The following IL6ST variants were observed in gnomAD, a reference collection of about 807,000 sequenced individuals.
The protein encoded by IL6ST is interleukin-6 receptor subunit beta.
In IL6ST, 24 loss-of-function variants were observed where a neutral mutation model predicts 91.3. The ratio of observed to expected loss-of-function variants is 0.26; its 90% CI spans 0.19 to 0.37. The LOEUF (loss-of-function observed/expected upper bound fraction) is 0.37, where lower values mean the gene tolerates loss of function less well. Ranked by LOEUF, IL6ST falls within the 10% of genes least tolerant of loss-of-function variation. The pLI, the probability that IL6ST is intolerant of heterozygous loss-of-function variation, is 1.00. For missense variants in IL6ST, 914 were observed against 1,078.5 expected (o/e 0.85, Z 2.14); for synonymous variants, 351 against 373.6 (o/e 0.94, Z 0.70).
At position 55,956,217 on chromosome 5, in the gene IL6ST, C is replaced by G. The variant is rs1407702026; in HGVS notation, c.1075G>C (p.Ala359Pro). 1 of 1,598,944 alleles carries G rather than the reference C, an allele frequency of 6.3e-7. No homozygotes were observed. Among genetic ancestry groups the G allele is most frequent in the Non-Finnish European group, 8.6e-7 (1 of 1,166,678 alleles). The change falls in exon 10 of 17, where the codon GCC (alanine) becomes CCC (proline). Residue 359 changes from alanine (A) to proline (P), a missense_variant. Physicochemically the swap from Ala to Pro is conservative, Grantham distance 27 (BLOSUM62 -1). Transcript: ENST00000381298. The part of the protein sequence containing the change: ...LVWKTLPPFE[A>P]NGKILDYEVT... ...TCATAATCCAAGATTTTTCCATTGGCTTCAAAAGGAGGCAATGTCTGTAAT... is the reference window on the plus strand; with the variant it reads ...TCATAATCCAAGATTTTTCCATTGGGTTCAAAAGGAGGCAATGTCTGTAAT...
chr5:55,951,434 G>T, intron 14 of IL6ST, 30 bp downstream of exon 14: 1 of 1,572,894 alleles, frequency 6.4e-7, no homozygotes. Context: ...GTTTGAGAAA[G>T]AAAAAAAACC....
intron 15 of IL6ST, among the ~76,000 whole-genome samples, chr5:55,946,159 C>T (rs899233824): frequency 1.3e-5 from 2 of 152,042 alleles, no homozygotes; most frequent in African/African-American, 4.8e-5. Flanking sequence ...TACTAGTCAT[C>T]GGAGAAATGA....
In IL6ST at chr5:55,963,842, A is replaced by G. The variant is rs188951323; in HGVS notation, c.658+304T>C. On this transcript the variant is annotated intron_variant, in intron 6 of 16. Coordinates refer to ENST00000381298, the MANE Select transcript of IL6ST (RefSeq NM_002184.4). ...GGTGTAAGATGTTTGAGAACAGAAAACATTCAAAGTGAAAACAGCTGTTAA... is the reference window on the plus strand; with the variant it reads ...GGTGTAAGATGTTTGAGAACAGAAAGCATTCAAAGTGAAAACAGCTGTTAA... 4.1e-4 allele frequency among the ~76,000 whole-genome samples: 63 copies of G among 152,322 alleles called. No homozygotes were observed. The East Asian group carries it at 7.5e-3, about 18-fold the overall frequency.
chr5:55,975,195 T>C (rs537707631), intron 3 of IL6ST, among the ~76,000 whole-genome samples: 1 of 152,126 alleles, frequency 6.6e-6, no homozygotes, highest in Non-Finnish European at 1.5e-5. Flanking sequence ...GTGTTGGAGG[T>C]GGGGCCTGGT....
intron 7 of IL6ST, among the ~76,000 whole-genome samples, chr5:55,961,251 G>A (rs1752296520): frequency 6.6e-6 from 1 of 152,104 alleles, no homozygotes; most frequent in Admixed American, 6.6e-5. Context: ...ATTTCTGCAG[G>A]AAACAGATGG....
rs1343923085 is a variant in IL6ST, at chr5:55,941,325, T to A, written c.2514A>T (p.Ser838=). 6.2e-7 allele frequency: 1 copy of A among 1,614,122 alleles called. No homozygotes were observed. Among genetic ancestry groups the A allele is most frequent in the East Asian group, 2.2e-5 (1 of 44,890 alleles). Residue 838 remains serine (S), a synonymous_variant, in exon 17 of 17, where the codon TCA becomes TCT. Coordinates refer to ENST00000381298, the MANE Select transcript of IL6ST (RefSeq NM_002184.4). ...TAACAAAATCTTCCTCATTGACTGA[T>A]GAAACTTGCTTTGACCTTTCAAAAT... ...ISHFERSKQV[S]SVNEEDFVRL...
In IL6ST at chr5:55,947,521, C is replaced by T. The variant is rs1399349153; in HGVS notation, c.1909G>A (p.Val637Met). Residue 637 changes from valine to methionine, a missense_variant, in exon 15 of 17, where the codon GTG becomes ATG. Coordinates refer to ENST00000381298, the MANE Select transcript of IL6ST (RefSeq NM_002184.4). ...LAFLLTTLLG[V>M]LFCFNKRDLI... ...TCTCGCTTATTAAAGCAGAACAGCA[C>T]TCCCAGAAGAGTTGTCAATAGGAAT... is the stretch of plus-strand genomic sequence containing the variant. The T allele has an allele frequency of 1.9e-6, 3 of 1,589,164 alleles. No homozygotes were observed. Among genetic ancestry groups the T allele is most frequent in the Non-Finnish European group, 2.6e-6 (3 of 1,168,674 alleles).
At chr5:55,942,382 A>G (rs1011341589) in intron 16 of IL6ST, among the ~76,000 whole-genome samples, 15 of 152,334 alleles carry the variant, frequency 9.8e-5, no homozygotes, top group African/African-American at 3.4e-4. Flanking sequence ...TCAAGTTTTC[A>G]GTTTGCAAGT....
chr5:55,957,959 C>G (rs1752086651), intron 8 of IL6ST, among the ~76,000 whole-genome samples: 1 of 152,062 alleles, frequency 6.6e-6, no homozygotes, highest in African/African-American at 2.4e-5. Flanking sequence ...TAAATATTCA[C>G]AAGAATAATA....
rs539883598 is a variant in IL6ST at position 55,966,583 on chromosome 5, CTG to C, written c.491+1691_491+1692del. Among the ~76,000 whole-genome samples the C allele has an allele frequency of 2.1e-4, 32 of 152,174 alleles. No homozygotes were observed. In the South Asian group the frequency reaches 2.7e-3, roughly 13 times the overall value. On this transcript the variant is annotated intron_variant, in intron 5 of 16. Transcript: ENST00000381298. ...GATTAAGAATGAGGTATATTAATGA[CTG>C]TAACTCACTATGAAATACTGAAGTG...
intron 3 of IL6ST, among the ~76,000 whole-genome samples, chr5:55,972,159 A>C (rs1753003304): frequency 6.6e-6 from 1 of 152,192 alleles, no homozygotes; most frequent in Non-Finnish European, 1.5e-5. Flanking sequence ...TTCTAAAAAG[A>C]TATAATTAGA....
intron 7 of IL6ST, among the ~76,000 whole-genome samples, chr5:55,962,741 C>T (rs1165654196): frequency 2.6e-5 from 4 of 152,104 alleles, no homozygotes; most frequent in Non-Finnish European, 5.9e-5. Flanking sequence ...CACTAGCTAC[C>T]TTATCCTTAT....
Position 55,952,007 on chromosome 5 carries a change from G to T in IL6ST, c.1621C>A (p.Gln541Lys). 1 of 1,601,340 alleles carries T rather than the reference G, an allele frequency of 6.2e-7. No individual in the cohort carries two copies. Among genetic ancestry groups the T allele is most frequent in the Non-Finnish European group, 8.6e-7 (1 of 1,168,606 alleles). ...CCATTCTGAACATCAACAGGAAGTT[G>T]GTCCCACTCTAAGACAGCTTCGTTT... ...GKNEAVLEWD[Q>K]LPVDVQNGFI... The change falls in exon 13 of 17, where the codon CAA (glutamine) becomes AAA (lysine). Residue 541 changes from glutamine (Q) to lysine (K), a missense_variant. Physicochemically the swap from Gln to Lys is moderately conservative, Grantham distance 53. Transcript: ENST00000381298.
intron 7 of IL6ST, among the ~76,000 whole-genome samples, chr5:55,961,639 T>A (rs1001642407): frequency 6.6e-5 from 10 of 151,852 alleles, no homozygotes; most frequent in African/African-American, 2.4e-4. Context: ...ACACCTGTAA[T>A]CCCAGCTACT....
chr5:55,961,277 A>G (rs1033580684), intron 7 of IL6ST, among the ~76,000 whole-genome samples: 7 of 152,324 alleles, frequency 4.6e-5, no homozygotes, highest in East Asian at 1.9e-4. Flanking sequence ...TCCATTTAGA[A>G]TAATTCAAGG....
At chr5:55,968,437 C>A in intron 4 of IL6ST, 41 bp from the exon 5 acceptor site, 1 of 1,584,658 alleles carries the variant, frequency 6.3e-7, no homozygotes, top group South Asian at 1.1e-5. Context: ...AGCTTTATAT[C>A]CACAAATATT....
At chr5:55,981,730 T>A (rs1229154958) in intron 2 of IL6ST, among the ~76,000 whole-genome samples, 1 of 152,216 alleles carries the variant, frequency 6.6e-6, no homozygotes, top group East Asian at 1.9e-4. Flanking sequence ...ATATTTAATT[T>A]AAAATTATAT....
At chr5:55,943,865 T>C (rs1043264315) in intron 15 of IL6ST, among the ~76,000 whole-genome samples, 5 of 150,752 alleles carry the variant, frequency 3.3e-5, no homozygotes, top group African/African-American at 1.2e-4. Context: ...AGGTCAGGAG[T>C]TCAAGACCAG....
At chr5:55,989,649 T>C (rs1190914831) in intron 1 of IL6ST, among the ~76,000 whole-genome samples, 1 of 152,180 alleles carries the variant, frequency 6.6e-6, no homozygotes, top group Non-Finnish European at 1.5e-5. Flanking sequence ...TTTATTCCGT[T>C]ACAAACATAA....
Sources: allele counts gnomAD v4.1 joint callset (sites outside exome capture counted in the v4.1 genomes callset), GRCh38; gene constraint gnomAD v4.1.1; transcripts MANE v1.5; gene names NCBI Gene and HGNC (gene_info 2026-07-23, HGNC 2026-07-21).